THSD4: variants seen among roughly 807,000 people sequenced by gnomAD.
THSD4 encodes thrombospondin type 1 domain containing 4, also known as thrombospondin type-1 domain-containing protein 4.
THSD4 carries 69 observed loss-of-function variants against 119.0 expected under a neutral mutation model. The observed-to-expected ratio is 0.58, with a 90% CI of 0.48 to 0.71. The LOEUF (loss-of-function observed/expected upper bound fraction) is 0.71, where lower values mean the gene tolerates loss of function less well. THSD4 is among the 30% of genes least tolerant of loss of function. The pLI is 0.00. For synonymous variants in THSD4, 524 were observed against 540.4 expected, an observed-to-expected ratio of 0.97 and a Z score of 0.42; for missense variants, 1,393 against 1,391.1, an observed-to-expected ratio of 1.00 and a Z score of -0.02.
At chr15:71,621,417 G>A (rs1314699923) in intron 7 of THSD4, among the ~76,000 whole-genome samples, 1 of 152,116 alleles carries the variant, frequency 6.6e-6, no homozygotes, top group Non-Finnish European at 1.5e-5. Flanking sequence ...TTTCAACCCT[G>A]AGATGCTATG....
chr15:71,199,791 CTGTGTGTGTGCTG>C, intron 3 of THSD4, among the ~76,000 whole-genome samples: 1 of 78,054 alleles, frequency 1.3e-5, no homozygotes, highest in Non-Finnish European at 2.4e-5. Flanking sequence ...TGGGTGTGTG[CTGTGTGTGTGCTG>C]TGTGTGTGTG....
chr15:71,369,267 C>G (rs1292953606), intron 6 of THSD4, among the ~76,000 whole-genome samples: 1 of 152,118 alleles, frequency 6.6e-6, no homozygotes, highest in East Asian at 1.9e-4. Context: ...ATTCAATACC[C>G]TTTATTTCTT....
intron 7 of THSD4, among the ~76,000 whole-genome samples, chr15:71,472,918 A>C (rs1024650993): frequency 6.6e-6 from 1 of 152,200 alleles, no homozygotes; most frequent in African/African-American, 2.4e-5. Flanking sequence ...TCTGGCACGG[A>C]GAATACCTGA....
At chr15:71,302,553 T>A (rs1452107902) in intron 6 of THSD4, among the ~76,000 whole-genome samples, 2 of 152,128 alleles carry the variant, frequency 1.3e-5, no homozygotes, top group African/African-American at 4.8e-5. Context: ...ACTTTGATTT[T>A]TCCAAGTGGA....
In THSD4 at chr15:71,752,136, G is replaced by A. The variant is rs538718705; in HGVS notation, c.2415+3542G>A. On this transcript the variant is annotated intron_variant, in intron 14 of 17. Coordinates refer to ENST00000261862, the MANE Select transcript of THSD4 (RefSeq NM_024817.3). ...TCTACATTTGCCACTCTCTGAAAAG[G>A]CAGGGGGCACAGAGCACAATACGTA... Among the ~76,000 whole-genome samples the A allele has an allele frequency of 2.0e-3, 298 of 152,214 alleles. 1 individual carries two copies. Among genetic ancestry groups the A allele is most frequent in the Non-Finnish European group, 3.9e-3 (264 of 68,010 alleles).
chr15:71,213,075 C>T (rs2043900735), intron 3 of THSD4, among the ~76,000 whole-genome samples: 1 of 152,194 alleles, frequency 6.6e-6, no homozygotes, highest in Non-Finnish European at 1.5e-5. Context: ...CAGACATTTA[C>T]TCTCTTGAAA....
At chr15:71,322,797 AT>A (rs1048779081) in intron 6 of THSD4, among the ~76,000 whole-genome samples, 1 of 152,136 alleles carries the variant, frequency 6.6e-6, no homozygotes, top group African/African-American at 2.4e-5. Context: ...AAGGCAGCCA[AT>A]CACAGAGGCC....
intron 6 of THSD4, among the ~76,000 whole-genome samples, chr15:71,354,914 C>T (rs1420165612): frequency 6.6e-6 from 1 of 152,214 alleles, no homozygotes; most frequent in Non-Finnish European, 1.5e-5. Flanking sequence ...CAGTAAACTT[C>T]ACACTCCTCT....
At chr15:71,632,497 T>C (rs1197370989) in intron 7 of THSD4, among the ~76,000 whole-genome samples, 3 of 152,248 alleles carry the variant, frequency 2.0e-5, no homozygotes, top group Non-Finnish European at 4.4e-5. Context: ...GGCCACTCTG[T>C]GGTCCTCCAG....
chr15:71,243,138 C>G (rs928078717), intron 5 of THSD4, 42 bp downstream of exon 5: 3 of 1,558,770 alleles, frequency 1.9e-6, no homozygotes, highest in Non-Finnish European at 2.6e-6. Flanking sequence ...AACAGCTGCC[C>G]CTCGTTTTTC....
At chr15:71,157,236 A>T (rs1486232134) in intron 3 of THSD4, among the ~76,000 whole-genome samples, 3 of 152,198 alleles carry the variant, frequency 2.0e-5, no homozygotes, top group African/African-American at 7.2e-5. Context: ...GTCCCCAAAT[A>T]GGTATCACTC....
rs2048983141 is a variant in THSD4 at position 71,554,286 on chromosome 15, T to G, written c.1153-106244T>G. Among the ~76,000 whole-genome samples, 7 of 150,874 alleles carry G rather than the reference T, an allele frequency of 4.6e-5. No individual in the cohort carries two copies. In the South Asian group the frequency reaches 1.0e-3, roughly 23 times the overall value. The stretch of plus-strand genomic sequence containing the variant: ...TTTTTTTGTATTTTTTTAGTAGAGA[T>G]GGGTTTCACCGTGTTAACCAGGATG... On this transcript the variant is annotated intron_variant, in intron 7 of 17. Transcript: ENST00000261862.
At chr15:71,195,767 G>C (rs142226933) in intron 3 of THSD4, among the ~76,000 whole-genome samples, 1 of 152,126 alleles carries the variant, frequency 6.6e-6, no homozygotes, top group Non-Finnish European at 1.5e-5. Context: ...ACTGGTGGCA[G>C]GGAGACCACC....
rs569684675 is a variant in THSD4, at chr15:71,315,693, G to C, written c.1015+58978G>C. Reference sequence around the variant, plus strand: ...TGTTTGCAGATAAATCTCTAGACCAGGGATTTAGAAAACACTATTTTAAAC... The same window carrying C: ...TGTTTGCAGATAAATCTCTAGACCACGGATTTAGAAAACACTATTTTAAAC... On this transcript the variant is annotated intron_variant, in intron 6 of 17. Coordinates refer to ENST00000261862, the MANE Select transcript of THSD4 (RefSeq NM_024817.3). Among the ~76,000 whole-genome samples the C allele has an allele frequency of 2.4e-4, 37 of 152,318 alleles. 1 individual carries two copies. The South Asian group carries it at 6.0e-3, about 25-fold the overall frequency.
At chr15:71,375,586 A>C (rs1870536991) in intron 6 of THSD4, among the ~76,000 whole-genome samples, 1 of 152,130 alleles carries the variant, frequency 6.6e-6, no homozygotes, top group South Asian at 2.1e-4. Flanking sequence ...CACAAGCAGT[A>C]TTGATGATGT....
chr15:71,339,931 A>G (rs929231244), intron 6 of THSD4, among the ~76,000 whole-genome samples: 1 of 151,964 alleles, frequency 6.6e-6, no homozygotes, highest in African/African-American at 2.4e-5. Context: ...TGCCCGGCTA[A>G]TTTTTGTATT....
At chr15:71,306,724 A>G (rs190167558) in intron 6 of THSD4, among the ~76,000 whole-genome samples, 4 of 152,336 alleles carry the variant, frequency 2.6e-5, no homozygotes, top group East Asian at 1.9e-4. Flanking sequence ...TTGACAATGC[A>G]TAGTGCAGAG....
chr15:71,172,315 ACT>A lies in THSD4; in HGVS notation c.99+17386_99+17387del, dbSNP rs773414579. Among the ~76,000 whole-genome samples the A allele has an allele frequency of 5.9e-5, 9 of 152,008 alleles. 1 individual carries two copies. The East Asian group carries it at 1.7e-3, about 29-fold the overall frequency. On this transcript the variant is annotated intron_variant, in intron 3 of 17. Transcript: ENST00000261862. The stretch of plus-strand genomic sequence containing the variant: ...ACTCCAGCCTGGGTGACAGAGTGAA[ACT>A]CTGTCTCAAAAAAAAATAATTATAA...
At chr15:71,442,663 T>TATATATATAC (rs1173854070) in intron 7 of THSD4, among the ~76,000 whole-genome samples, 27 of 44,948 alleles carry the variant, frequency 6.0e-4, no homozygotes, top group African/African-American at 1.7e-3. Context: ...TGTGTGTGTA[T>TATATATATAC]ATATATATAT....
Sources: allele counts gnomAD v4.1 joint callset (sites outside exome capture counted in the v4.1 genomes callset), GRCh38; gene constraint gnomAD v4.1.1; transcripts MANE v1.5; gene names NCBI Gene and HGNC (gene_info 2026-07-23, HGNC 2026-07-21).